The following OPCML variants were observed in gnomAD, a reference collection of about 807,000 sequenced individuals.
OPCML encodes the protein opioid binding protein/cell adhesion molecule like.
In OPCML, 13 loss-of-function variants were observed where a neutral mutation model predicts 37.8. The ratio of observed to expected loss-of-function variants is 0.34; its 90% CI spans 0.22 to 0.55. The LOEUF (loss-of-function observed/expected upper bound fraction) is 0.55, where lower values mean the gene tolerates loss of function less well. Ranked by LOEUF, OPCML falls within the 20% of genes least tolerant of loss-of-function variation. The pLI, the probability that OPCML is intolerant of heterozygous loss-of-function variation, is 0.91. For missense variants in OPCML, 341 were observed against 435.6 expected (o/e 0.78, Z 1.93); for synonymous variants, 176 against 168.8 (o/e 1.04, Z -0.33).
At chr11:133,395,995 T>C (rs1945277528) in intron 1 of OPCML, among the ~76,000 whole-genome samples, 2 of 152,216 alleles carry the variant, frequency 1.3e-5, no homozygotes, top group Admixed American at 1.3e-4. Flanking sequence ...TTTAACAATA[T>C]TGATTCTTCC....
chr11:133,209,218 C>G (rs1453634992), intron 1 of OPCML, among the ~76,000 whole-genome samples: 1 of 152,182 alleles, frequency 6.6e-6, no homozygotes, highest in East Asian at 1.9e-4. Context: ...AGGACAAGGA[C>G]TGTGTGAGAC....
intron 1 of OPCML, among the ~76,000 whole-genome samples, chr11:133,373,424 A>AATATATATATATAT (rs57417327): frequency 0.028 from 3,276 of 117,354 alleles, 78 homozygotes; most frequent in Middle Eastern, 0.043. Flanking sequence ...ACTTAATTAA[A>AATATATATATATAT]ATATATATAT....
At chr11:133,158,721 A>ATAAAATAAAG (rs1950101162) in intron 1 of OPCML, among the ~76,000 whole-genome samples, 1 of 142,716 alleles carries the variant, frequency 7.0e-6, no homozygotes, top group Admixed American at 6.9e-5. Context: ...AAAAAATAAA[A>ATAAAATAAAG]TAAAATAAAA....
At chr11:133,377,862 T>C (rs1489448424) in intron 1 of OPCML, among the ~76,000 whole-genome samples, 1 of 152,188 alleles carries the variant, frequency 6.6e-6, no homozygotes, top group African/African-American at 2.4e-5. Flanking sequence ...AAAATGGCCC[T>C]GGAGCATGGG....
intron 1 of OPCML, among the ~76,000 whole-genome samples, chr11:133,157,396 A>G (rs1483819135): frequency 6.6e-6 from 1 of 152,184 alleles, no homozygotes; most frequent in Middle Eastern, 3.2e-3. Context: ...AGGCTCCCAG[A>G]GGGGACACAA....
rs189396448 is a variant in OPCML, at chr11:132,921,005, C to T, written c.146+21921G>A. ...CCCTCAGCTCCAGTGCTTCCCGCTG[C>T]GTCTGATTCTCCCTGCAGTCTTCTA... On this transcript the variant is annotated intron_variant, in intron 2 of 7. Coordinates refer to ENST00000524381, the MANE Select transcript of OPCML (RefSeq NM_001012393.5). Among the ~76,000 whole-genome samples, 21 of 152,298 alleles carry T rather than the reference C, an allele frequency of 1.4e-4. 1 individual carries two copies. The highest frequency in any genetic ancestry group is 1.2e-3 in the Admixed American group (18 of 15,298).
chr11:132,482,386 A>G (rs11223088), intron 4 of OPCML, among the ~76,000 whole-genome samples: 70,613 of 150,272 alleles, frequency 0.47, 17,123 homozygotes, highest in East Asian at 0.8. Context: ...GTTGAATCTC[A>G]GAATAGACCA....
chr11:132,753,632 G>T (rs1311476167), intron 2 of OPCML, among the ~76,000 whole-genome samples: 1 of 152,190 alleles, frequency 6.6e-6, no homozygotes, highest in Non-Finnish European at 1.5e-5. Context: ...ATATCTGCCT[G>T]TCAATCTGCA....
chr11:132,835,399 C>T (rs1940949500), intron 2 of OPCML, among the ~76,000 whole-genome samples: 1 of 152,198 alleles, frequency 6.6e-6, no homozygotes, highest in Admixed American at 6.5e-5. Context: ...AATCAGAAGT[C>T]AGTACTGAGT....
intron 1 of OPCML, among the ~76,000 whole-genome samples, chr11:133,154,846 A>G (rs1487519512): frequency 6.6e-6 from 1 of 152,120 alleles, no homozygotes; most frequent in East Asian, 1.9e-4. Flanking sequence ...GATGAGAATC[A>G]AAGTTTCTGT....
intron 1 of OPCML, among the ~76,000 whole-genome samples, chr11:133,392,285 G>A (rs144347525): frequency 1.3e-5 from 2 of 152,172 alleles, no homozygotes; most frequent in Non-Finnish European, 2.9e-5. Flanking sequence ...CACAGTGAGA[G>A]AAGCATCCGA....
rs183435652 is a variant in OPCML at position 133,135,748 on chromosome 11, C to T, written c.62-192738G>A. 5.3e-5 allele frequency among the ~76,000 whole-genome samples: 8 copies of T among 152,254 alleles called. No homozygotes were observed. The East Asian group carries it at 1.4e-3, about 26-fold the overall frequency. ...CGTTGGAGTGTCTATGTGCAGGATC[C>T]TCAAAGTAGCGTCCTTTTTCCACTC... is the stretch of plus-strand genomic sequence containing the variant. On this transcript the variant is annotated intron_variant, in intron 1 of 7. Coordinates refer to ENST00000524381, the MANE Select transcript of OPCML (RefSeq NM_001012393.5).
At chr11:132,505,814 C>T (rs1435723132) in intron 4 of OPCML, among the ~76,000 whole-genome samples, 3 of 151,614 alleles carry the variant, frequency 2.0e-5, no homozygotes, top group African/African-American at 4.8e-5. Flanking sequence ...AGCCAACACA[C>T]GTGGAACTAA....
At chr11:132,452,780 G>A (rs1433084842) in intron 4 of OPCML, among the ~76,000 whole-genome samples, 6 of 152,128 alleles carry the variant, frequency 3.9e-5, no homozygotes. Context: ...ACTCCAGTGA[G>A]GAAAGACAGT....
chr11:132,836,042 T>G lies in OPCML; in HGVS notation c.146+106884A>C, dbSNP rs147876751. On this transcript the variant is annotated intron_variant, in intron 2 of 7. Transcript: ENST00000524381. ...TTGGATCCCAGCATGCCCATCCATGTGCTGAATACTGGTTCCTGAATCAGG... is the reference window on the plus strand; with the variant it reads ...TTGGATCCCAGCATGCCCATCCATGGGCTGAATACTGGTTCCTGAATCAGG... Among the ~76,000 whole-genome samples the G allele has an allele frequency of 2.3e-3, 348 of 152,308 alleles. 2 individuals are homozygous for G. Among genetic ancestry groups the G allele is most frequent in the African/African-American group, 8.0e-3 (334 of 41,560 alleles).
intron 1 of OPCML, among the ~76,000 whole-genome samples, chr11:133,197,765 T>C (rs774585954): frequency 6.6e-6 from 1 of 152,330 alleles, no homozygotes; most frequent in Non-Finnish European, 1.5e-5. Flanking sequence ...CACAAGTGCT[T>C]GTGTGTGATC....
chr11:132,912,520 G>C lies in OPCML; in HGVS notation c.146+30406C>G, dbSNP rs1333426835. On this transcript the variant is annotated intron_variant, in intron 2 of 7. Transcript: ENST00000524381. ...TTTTATGAAGCACTTCATGCAACTA[G>C]TTAAATAAACATTTGGAAACCTGCA... 2.0e-5 allele frequency among the ~76,000 whole-genome samples: 3 copies of C among 152,070 alleles called. 1 individual carries two copies. The highest frequency in any genetic ancestry group is 2.0e-4 in the Admixed American group (3 of 15,272).
chr11:132,584,594 C>G (rs1276859138), intron 3 of OPCML, among the ~76,000 whole-genome samples: 1 of 152,154 alleles, frequency 6.6e-6, no homozygotes, highest in Non-Finnish European at 1.5e-5. Flanking sequence ...ATGTGTGCTG[C>G]TCTCTGTAAA....
chr11:133,404,147 C>T (rs1237343427), intron 1 of OPCML, among the ~76,000 whole-genome samples: 4 of 152,312 alleles, frequency 2.6e-5, no homozygotes, highest in Non-Finnish European at 5.9e-5. Context: ...CTTCACACGA[C>T]GCCCTCCCTG....
Sources: gnomAD v4.1 joint callset for allele counts (sites outside exome capture counted in the v4.1 genomes callset) on GRCh38, gnomAD v4.1.1 for gene constraint, MANE v1.5 for transcripts, NCBI Gene and HGNC (gene_info 2026-07-23, HGNC 2026-07-21) for gene names.